Variants in CEP162 observed in about 807,000 individuals in gnomAD.
The protein encoded by CEP162 is centrosomal protein 162, also known as centrosomal protein of 162 kDa.
In CEP162, 141 loss-of-function variants were observed where a neutral mutation model predicts 169.2. The ratio of observed to expected loss-of-function variants is 0.83; its 90% CI spans 0.73 to 0.96. The LOEUF (loss-of-function observed/expected upper bound fraction) is 0.96, where lower values mean the gene tolerates loss of function less well. Ranked by LOEUF, CEP162 falls within the 40% of genes least tolerant of loss-of-function variation. CEP162 has a pLI of 0.00. For synonymous variants in CEP162, 540 were observed against 526.4 expected, an observed-to-expected ratio of 1.03 and a Z score of -0.35; for missense variants, 1,600 against 1,587.2, an observed-to-expected ratio of 1.01 and a Z score of -0.14.
At position 84,212,937 on chromosome 6, in the gene CEP162, T is replaced by G. The variant is rs1033957557; in HGVS notation, c.571+20A>C. 2.8e-6 allele frequency: 4 copies of G among 1,433,538 alleles called. No individual in the cohort carries two copies. In the African/African-American group the frequency reaches 5.7e-5, roughly 20 times the overall value. 88.8% of individuals were successfully genotyped at this position (1,433,538 alleles called of 1,614,324 possible). Reference sequence around the variant, plus strand: ...TATTATCTTTTCAAATATTATAAATTTAAGAACCAATGAAATTACCTGCCA... The same window carrying G: ...TATTATCTTTTCAAATATTATAAATGTAAGAACCAATGAAATTACCTGCCA... On this transcript the variant is annotated intron_variant, in intron 6 of 26. Transcript: ENST00000403245.
chr6:84,148,149 G>A (rs2099519747), intron 24 of CEP162, among the ~76,000 whole-genome samples: 1 of 152,126 alleles, frequency 6.6e-6, no homozygotes, highest in Admixed American at 6.6e-5. Context: ...CTGTAAGGCT[G>A]TATGGATTGT....
chr6:84,155,101 T>C (rs2099522638), intron 22 of CEP162, among the ~76,000 whole-genome samples, 197 bp downstream of exon 22: 1 of 152,210 alleles, frequency 6.6e-6, no homozygotes, highest in Non-Finnish European at 1.5e-5. Context: ...GCTTGATTAC[T>C]CTGTCAGAAA....
intron 23 of CEP162, among the ~76,000 whole-genome samples, chr6:84,151,933 T>G (rs6906432): frequency 0.24 from 36,971 of 151,754 alleles, 9,911 homozygotes; most frequent in African/African-American, 0.67. Flanking sequence ...TAAAAGAAAA[T>G]ACTATTTGTG....
At chr6:84,211,882 A>C (rs2099549629) in intron 6 of CEP162, among the ~76,000 whole-genome samples, 1 of 151,530 alleles carries the variant, frequency 6.6e-6, no homozygotes, top group South Asian at 2.1e-4. Context: ...ATGATACACC[A>C]TAGTCAAATT....
At chr6:84,189,021 G>A (rs894267010) in intron 11 of CEP162, among the ~76,000 whole-genome samples, 21 of 151,436 alleles carry the variant, frequency 1.4e-4, no homozygotes, top group African/African-American at 5.1e-4. Context: ...TTGGCTGCAC[G>A]TCTTCTTTTG....
chr6:84,166,922 T>C (rs2099528063), intron 18 of CEP162, among the ~76,000 whole-genome samples: 1 of 152,214 alleles, frequency 6.6e-6, no homozygotes, highest in Non-Finnish European at 1.5e-5. Context: ...GTTTACATTC[T>C]ATCTTGCAGT....
chr6:84,160,817 G>A lies in CEP162; in HGVS notation c.2776C>T (p.Arg926Ter), dbSNP rs752072514. 70 of 1,593,634 alleles carry A rather than the reference G, an allele frequency of 4.4e-5. No homozygotes were observed. The highest frequency in any genetic ancestry group is 5.9e-5 in the Non-Finnish European group (69 of 1,162,060). The change falls in exon 21 of 27, where the codon CGA becomes TGA. Residue 926 changes from arginine to a stop codon, truncating the protein, a stop_gained. Transcript: ENST00000403245. LOFTEE classifies it high-confidence loss of function. ...AATTTACCCTGAACACATACTTGTC[G>A]CTCCAGATCCTGAATTTTTTTGGCA... ...ADAKKIQDLERQVKEMEGILK... is the reference protein window; with the variant it reads ...ADAKKIQDLE
chr6:84,187,699 G>C (rs1437460166), intron 11 of CEP162, among the ~76,000 whole-genome samples: 1 of 152,184 alleles, frequency 6.6e-6, no homozygotes, highest in Non-Finnish European at 1.5e-5. Flanking sequence ...AGTCTGGAGA[G>C]ACGGCAGCCT....
chr6:84,132,992 T>C lies in CEP162; in HGVS notation c.3871-6480A>G, dbSNP rs551112570. ...TGTTTTCTCCCCATCTTTGTGGTTT[T>C]ATCTACCTTTGGTCTTTGATGATGG... On this transcript the variant is annotated intron_variant, in intron 25 of 26. Transcript: ENST00000403245. 2.0e-5 allele frequency among the ~76,000 whole-genome samples: 3 copies of C among 152,296 alleles called. No homozygotes were observed. In the East Asian group the frequency reaches 5.8e-4, roughly 29 times the overall value.
chr6:84,130,470 G>T, intron 25 of CEP162, among the ~76,000 whole-genome samples: 1 of 152,124 alleles, frequency 6.6e-6, no homozygotes, highest in African/African-American at 2.4e-5. Flanking sequence ...GAATTCGGCT[G>T]TGCACCCATC....
chr6:84,193,193 A>G (rs2099540626), intron 11 of CEP162, among the ~76,000 whole-genome samples: 3 of 152,190 alleles, frequency 2.0e-5, no homozygotes, highest in Admixed American at 1.3e-4. Context: ...AATGAGGACC[A>G]TTTCTCTTGT....
chr6:84,163,386 G>T, intron 18 of CEP162, 116 bp from the exon 19 acceptor site: 1 of 757,488 alleles, frequency 1.3e-6, no homozygotes, highest in Non-Finnish European at 2.1e-6. Context: ...CTAAATTTTA[G>T]CTCTGATGTT....
At position 84,227,557 on chromosome 6, in the gene CEP162, A is replaced by G. The variant is rs951642507; in HGVS notation, c.-60+23T>C. The G allele has an allele frequency of 3.9e-5, 6 of 152,348 alleles. No homozygotes were observed. In the East Asian group the frequency reaches 7.8e-4, roughly 20 times the overall value. 9.4% of individuals were successfully genotyped at this position (152,348 alleles called of 1,614,324 possible). ...ACCAGGGCGATTTGGGTGGGAAACC[A>G]GCGTTCACACCTTACCACCTACCTC... On this transcript the variant is annotated intron_variant, in intron 1 of 26. Transcript: ENST00000403245.
At chr6:84,134,219 G>C (rs2129186937) in intron 25 of CEP162, among the ~76,000 whole-genome samples, 1 of 152,284 alleles carries the variant, frequency 6.6e-6, no homozygotes, top group East Asian at 1.9e-4. Context: ...CACCAAGCTT[G>C]AGCATCCCAG....
At chr6:84,167,395 A>G (rs1001498294) in intron 18 of CEP162, among the ~76,000 whole-genome samples, 12 of 152,000 alleles carry the variant, frequency 7.9e-5, no homozygotes, top group Non-Finnish European at 1.3e-4. Context: ...TTCTTTTTGC[A>G]TACTTTCTCA....
intron 14 of CEP162, 126 bp downstream of exon 14, chr6:84,175,088 A>G: frequency 1.2e-6 from 1 of 867,390 alleles, no homozygotes; most frequent in Admixed American, 3.2e-5. Context: ...CTGTTTAGTA[A>G]GAGTGATTAC....
chr6:84,174,215 A>C (rs1453085363), intron 15 of CEP162, 27 bp from the exon 16 acceptor site: 1 of 1,580,116 alleles, frequency 6.3e-7, no homozygotes, highest in Non-Finnish European at 8.6e-7. Flanking sequence ...AAATTGTTTT[A>C]TTTGGGGAAG....
intron 7 of CEP162, 60 bp downstream of exon 7, chr6:84,203,921 T>C (rs1365721303): frequency 2.1e-6 from 2 of 955,830 alleles, no homozygotes; most frequent in Non-Finnish European, 3.2e-6. Context: ...CATATAGCAA[T>C]AGGCAGCCAG....
At chr6:84,175,165 T>C in intron 14 of CEP162, 49 bp downstream of exon 14, 1 of 1,260,088 alleles carries the variant, frequency 7.9e-7, no homozygotes, top group Non-Finnish European at 1.1e-6. Flanking sequence ...TTAGTTTTAA[T>C]ATAATTTTAG....
Sources: gnomAD v4.1 joint callset for allele counts (sites outside exome capture counted in the v4.1 genomes callset) on GRCh38, gnomAD v4.1.1 for gene constraint, MANE v1.5 for transcripts, NCBI Gene and HGNC (gene_info 2026-07-23, HGNC 2026-07-21) for gene names.